Variants in METTL15 observed in about 807,000 individuals in gnomAD.
METTL15 encodes the protein methyltransferase 15, mitochondrial 12S rRNA N4-cytidine, also known as 12S rRNA N(4)-cytidine methyltransferase METTL15.
In METTL15, 34 loss-of-function variants were observed where a neutral mutation model predicts 38.3. The ratio of observed to expected loss-of-function variants is 0.89; its 90% CI spans 0.68 to 1.18. The LOEUF (loss-of-function observed/expected upper bound fraction) is 1.18. Among genes scored for constraint, METTL15 ranks in the 50% most tolerant of loss-of-function variants. METTL15 has a pLI of 0.00. For missense variants in METTL15, 438 were observed against 498.4 expected (o/e 0.88, Z 1.15); for synonymous variants, 162 against 170.9 (o/e 0.95, Z 0.41).
At chr11:28,462,792 A>G (rs2133456455) in intron 6 of METTL15, among the ~76,000 whole-genome samples, 1 of 152,252 alleles carries the variant, frequency 6.6e-6, no homozygotes, top group African/African-American at 2.4e-5. Flanking sequence ...AAGGGTTCCC[A>G]AATCAAACTT....
chr11:28,505,169 G>GGTGTGTAT (rs770809619), intron 6 of METTL15, among the ~76,000 whole-genome samples: 6 of 152,052 alleles, frequency 3.9e-5, no homozygotes, highest in African/African-American at 1.2e-4. Flanking sequence ...AGTGTAACTC[G>GGTGTGTAT]GTGTGTATGT....
chr11:28,236,188 G>A (rs1192454435), intron 4 of METTL15, among the ~76,000 whole-genome samples: 1 of 152,100 alleles, frequency 6.6e-6, no homozygotes. Context: ...GCTTTTTGAT[G>A]TGCTGCTGTA....
intron 4 of METTL15, among the ~76,000 whole-genome samples, chr11:28,266,233 C>A (rs1198063005): frequency 1.3e-5 from 2 of 152,174 alleles, no homozygotes; most frequent in Admixed American, 6.5e-5. Flanking sequence ...GATTATAAAT[C>A]ATGCTGCTAT....
chr11:28,436,532 A>G (rs1048723477), intron 6 of METTL15, among the ~76,000 whole-genome samples: 2 of 150,748 alleles, frequency 1.3e-5, no homozygotes, highest in African/African-American at 4.9e-5. Flanking sequence ...GGGAAATTTC[A>G]GCCCTCCTCC....
intron 6 of METTL15, among the ~76,000 whole-genome samples, chr11:28,491,147 G>T (rs1475551212): frequency 1.3e-5 from 2 of 152,092 alleles, no homozygotes; most frequent in African/African-American, 4.8e-5. Flanking sequence ...CCTTAAAAGG[G>T]GCTGGGAAAG....
chr11:28,467,190 G>A lies in METTL15; in HGVS notation c.*424+42826G>A, dbSNP rs542163781. Among the ~76,000 whole-genome samples, 7 of 152,312 alleles carry A rather than the reference G, an allele frequency of 4.6e-5. No individual in the cohort carries two copies. The East Asian group carries it at 5.8e-4, about 13-fold the overall frequency. ...AAATGTGACTGGACTCATATTAACC[G>A]TCTAGACTTCTCCCTCTGGTCATGG... On this transcript the variant is annotated intron_variant and NMD_transcript_variant, in intron 6 of 7. Transcript: ENST00000532947.
chr11:28,437,375 T>C (rs533326487), intron 6 of METTL15, among the ~76,000 whole-genome samples: 2 of 152,322 alleles, frequency 1.3e-5, no homozygotes, highest in African/African-American at 4.8e-5. Context: ...AGGTGCTTAA[T>C]AGATATTTTG....
At chr11:28,512,553 C>A (rs919428188) in intron 6 of METTL15, among the ~76,000 whole-genome samples, 1 of 152,228 alleles carries the variant, frequency 6.6e-6, no homozygotes, top group African/African-American at 2.4e-5. Context: ...ACCCAGTACA[C>A]CCTCCGAGGC....
At chr11:28,355,206 G>T (rs973093893) in intron 4 of METTL15, among the ~76,000 whole-genome samples, 6 of 152,106 alleles carry the variant, frequency 3.9e-5, no homozygotes, top group African/African-American at 1.4e-4. Flanking sequence ...CCACCTTTAG[G>T]TAGAAGTTAA....
At chr11:28,493,559 G>A (rs1851513762) in intron 6 of METTL15, among the ~76,000 whole-genome samples, 1 of 152,124 alleles carries the variant, frequency 6.6e-6, no homozygotes, top group South Asian at 2.1e-4. Context: ...AAAATTCTGG[G>A]CAGAGAGGAT....
intron 5 of METTL15, among the ~76,000 whole-genome samples, chr11:28,378,314 TG>T (rs1449048257): frequency 6.6e-6 from 1 of 152,226 alleles, no homozygotes; most frequent in African/African-American, 2.4e-5. Context: ...CGATACTCCG[TG>T]GGGTAGGACC....
chr11:28,116,763 A>T lies in METTL15; in HGVS notation c.270+3159A>T, dbSNP rs536718105. On this transcript the variant is annotated intron_variant, in intron 3 of 6. Coordinates refer to ENST00000407364, the MANE Select transcript of METTL15 (RefSeq NM_001113528.2). The stretch of plus-strand genomic sequence containing the variant: ...AAATAAATCCAGCATTCTTTAAAAA[A>T]TTTTTTTTTAAATTTTAATTGTTCT... 1.7e-3 allele frequency among the ~76,000 whole-genome samples: 254 copies of T among 151,936 alleles called. 1 individual carries two copies. Among genetic ancestry groups the T allele is most frequent in the African/African-American group, 2.7e-3 (113 of 41,444 alleles).
chr11:28,258,629 A>T (rs1855070983), intron 4 of METTL15, among the ~76,000 whole-genome samples: 1 of 152,136 alleles, frequency 6.6e-6, no homozygotes, highest in South Asian at 2.1e-4. Context: ...TTCCAAAGGC[A>T]GAGGAGCCTC....
chr11:28,380,483 C>G (rs1364911962), intron 5 of METTL15, among the ~76,000 whole-genome samples: 2 of 152,126 alleles, frequency 1.3e-5, no homozygotes, highest in African/African-American at 4.8e-5. Context: ...ATTGTTATTA[C>G]TGATAATTAA....
chr11:28,248,593 C>A (rs1854609379), intron 4 of METTL15, among the ~76,000 whole-genome samples: 1 of 152,018 alleles, frequency 6.6e-6, no homozygotes. Flanking sequence ...ACATTTTAAA[C>A]CACTTATTCT....
chr11:28,507,616 C>T (rs993359204), intron 6 of METTL15, among the ~76,000 whole-genome samples: 10 of 152,260 alleles, frequency 6.6e-5, no homozygotes, highest in Admixed American at 5.9e-4. Flanking sequence ...ACAGAAACCT[C>T]GATTTTCATT....
intron 3 of METTL15, among the ~76,000 whole-genome samples, chr11:28,192,606 T>A (rs1262598303): frequency 6.6e-6 from 1 of 152,060 alleles, no homozygotes; most frequent in Non-Finnish European, 1.5e-5. Flanking sequence ...TGGTTATACT[T>A]CTTCATTAAG....
Position 28,254,559 on chromosome 11 carries a change from A to G in METTL15, c.408-35647A>G, listed in dbSNP as rs191149146. Among the ~76,000 whole-genome samples, 8 of 152,224 alleles carry G rather than the reference A, an allele frequency of 5.3e-5. No individual in the cohort carries two copies. The East Asian group carries it at 1.3e-3, about 26-fold the overall frequency. On this transcript the variant is annotated intron_variant, in intron 4 of 6. Transcript: ENST00000407364. ...GGTATTACTTAAGAAATCTTTGTCC[A>G]GTTCAGTGTCTTGGAGAGTCACTCA...
chr11:28,324,525 G>C (rs1590325035), intron 6 of METTL15, among the ~76,000 whole-genome samples: 1 of 152,186 alleles, frequency 6.6e-6, no homozygotes, highest in East Asian at 1.9e-4. Context: ...GTATAATTAA[G>C]TGCATGCAAT....
Sources: allele counts gnomAD v4.1 joint callset (sites outside exome capture counted in the v4.1 genomes callset), GRCh38; gene constraint gnomAD v4.1.1; transcripts MANE v1.5; gene names NCBI Gene and HGNC (gene_info 2026-07-23, HGNC 2026-07-21).